NAALADL2: variants seen among roughly 807,000 people sequenced by gnomAD.
NAALADL2 encodes N-acetylated alpha-linked acidic dipeptidase like 2, also known as inactive N-acetylated-alpha-linked acidic dipeptidase-like protein 2.
A neutral mutation model predicts 87.2 loss-of-function variants in NAALADL2; 76 were observed. The ratio of observed to expected loss-of-function variants is 0.87; its 90% confidence interval spans 0.72 to 1.05. The LOEUF is 1.05. Among genes scored for constraint, NAALADL2 ranks in the 50% least tolerant of loss-of-function variants. The probability of loss-of-function intolerance (pLI) is 0.00; values close to 1 mark genes in which losing one functional copy is unlikely to be tolerated. For synonymous variants in NAALADL2, 354 were observed against 331.0 expected (o/e 1.07, Z -0.75); for missense variants, 1,089 against 945.8 (o/e 1.15, Z -1.99).
chr3:175,026,118 C>T (rs79738436), intron 1 of NAALADL2, among the ~76,000 whole-genome samples: 9,149 of 152,168 alleles, frequency 0.06, 344 homozygotes, highest in Middle Eastern at 0.12. Flanking sequence ...GCTGTTTAGC[C>T]ATCCTAACAA....
chr3:175,576,306 A>T, intron 10 of NAALADL2, 119 bp downstream of exon 10: 1 of 856,330 alleles, frequency 1.2e-6, no homozygotes, highest in African/African-American at 1.7e-5. Context: ...AAGCGGCTTC[A>T]TTTAGAGAGT....
chr3:174,968,105 A>G lies in NAALADL2; in HGVS notation c.43+108655A>G, dbSNP rs74413167. On this transcript the variant is annotated intron_variant, in intron 1 of 13. Transcript: ENST00000454872. The stretch of plus-strand genomic sequence containing the variant: ...CTGTTTAGAAATATTTAATTATTCA[A>G]TTTGGTGCACTATCTAATGATTTGT... 4.7e-3 allele frequency among the ~76,000 whole-genome samples: 723 copies of G among 152,240 alleles called. 9 individuals carry two copies. The highest frequency in any genetic ancestry group is 0.017 in the African/African-American group (687 of 41,542).
chr3:175,305,756 A>T (rs1389506071), intron 4 of NAALADL2, among the ~76,000 whole-genome samples: 1 of 152,142 alleles, frequency 6.6e-6, no homozygotes, highest in African/African-American at 2.4e-5. Context: ...TCCTGACCTC[A>T]GGTGATCCAC....
intron 1 of NAALADL2, among the ~76,000 whole-genome samples, chr3:174,866,050 C>G (rs958485573): frequency 6.6e-6 from 1 of 151,826 alleles, no homozygotes; most frequent in African/African-American, 2.4e-5. Flanking sequence ...TGCTTTCAAG[C>G]CTCCTAGCAG....
chr3:174,546,351 C>A (rs1246789283), intron 1 of NAALADL2, among the ~76,000 whole-genome samples: 2 of 152,134 alleles, frequency 1.3e-5, no homozygotes, highest in African/African-American at 4.8e-5. Flanking sequence ...AGGACATGTA[C>A]CTCTGCTCTT....
intron 3 of NAALADL2, among the ~76,000 whole-genome samples, chr3:174,839,626 A>G (rs934141217): frequency 5.3e-5 from 8 of 152,112 alleles, no homozygotes; most frequent in African/African-American, 1.2e-4. Context: ...AGAATCTATA[A>G]CTAACTCAAA....
At chr3:175,477,602 A>G (rs866391974) in intron 9 of NAALADL2, among the ~76,000 whole-genome samples, 6 of 151,986 alleles carry the variant, frequency 3.9e-5, no homozygotes, top group African/African-American at 1.4e-4. Flanking sequence ...TATCATTTTC[A>G]TATTTATGTG....
intron 1 of NAALADL2, among the ~76,000 whole-genome samples, chr3:175,059,133 T>A (rs1330719627): frequency 1.3e-5 from 2 of 151,054 alleles, no homozygotes; most frequent in Non-Finnish European, 2.9e-5. Context: ...TTTAAAGCTA[T>A]TTTACCTGTT....
At chr3:174,920,782 G>C (rs1735065943) in intron 1 of NAALADL2, among the ~76,000 whole-genome samples, 2 of 152,090 alleles carry the variant, frequency 1.3e-5, no homozygotes, top group African/African-American at 2.4e-5. Flanking sequence ...TTAATCATCT[G>C]TAGCTTTTGA....
At chr3:175,737,717 T>TTTTTTTTTG (rs1744687910) in intron 12 of NAALADL2, among the ~76,000 whole-genome samples, 2 of 123,326 alleles carry the variant, frequency 1.6e-5, no homozygotes, top group African/African-American at 3.2e-5. Flanking sequence ...TGATCCAGTT[T>TTTTTTTTTG]TTTTTTTTTT....
intron 10 of NAALADL2, among the ~76,000 whole-genome samples, chr3:175,609,834 A>C (rs1256145556): frequency 1.3e-5 from 2 of 152,064 alleles, no homozygotes; most frequent in Non-Finnish European, 2.9e-5. Context: ...AGTTTTGATG[A>C]GGAGTTTAGG....
intron 5 of NAALADL2, among the ~76,000 whole-genome samples, chr3:175,326,838 C>A (rs1290970319): frequency 1.3e-5 from 2 of 152,178 alleles, no homozygotes; most frequent in South Asian, 2.1e-4. Flanking sequence ...ATGATCCAAT[C>A]GCCTCTTAAA....
intron 5 of NAALADL2, among the ~76,000 whole-genome samples, chr3:175,418,713 A>G (rs1488451288): frequency 6.6e-6 from 1 of 152,100 alleles, no homozygotes; most frequent in African/African-American, 2.4e-5. Flanking sequence ...AATGACAATA[A>G]TGGTCAAAGG....
chr3:175,181,496 C>T (rs970360413), intron 2 of NAALADL2, among the ~76,000 whole-genome samples: 2 of 151,434 alleles, frequency 1.3e-5, no homozygotes, highest in African/African-American at 4.9e-5. Flanking sequence ...ATTCTGGTAA[C>T]CAACATTGTA....
chr3:175,623,793 G>A (rs1479646056), intron 10 of NAALADL2, among the ~76,000 whole-genome samples: 2 of 151,966 alleles, frequency 1.3e-5, no homozygotes, highest in Non-Finnish European at 2.9e-5. Context: ...AATATGGACA[G>A]CAAAACAAAA....
At chr3:175,025,403 A>G (rs1580086061) in intron 1 of NAALADL2, among the ~76,000 whole-genome samples, 1 of 152,054 alleles carries the variant, frequency 6.6e-6, no homozygotes, top group African/African-American at 2.4e-5. Flanking sequence ...TTTATCTACC[A>G]TTTTCTAACC....
chr3:175,571,237 A>G (rs116597417), intron 9 of NAALADL2, among the ~76,000 whole-genome samples: 1,772 of 152,262 alleles, frequency 0.012, 35 homozygotes, highest in African/African-American at 0.04. Flanking sequence ...GGACTGAGGT[A>G]GTGATTTCAT....
At chr3:175,514,310 G>T (rs1731557003) in intron 9 of NAALADL2, among the ~76,000 whole-genome samples, 1 of 152,136 alleles carries the variant, frequency 6.6e-6, no homozygotes, top group African/African-American at 2.4e-5. Flanking sequence ...TATCACTAAT[G>T]TTGGAAAATG....
intron 10 of NAALADL2, among the ~76,000 whole-genome samples, chr3:175,607,109 T>G (rs949301516): frequency 2.0e-5 from 3 of 152,206 alleles, no homozygotes; most frequent in Non-Finnish European, 4.4e-5. Flanking sequence ...TTTTTGAACC[T>G]GAAGAAAATT....
Sources: allele counts gnomAD v4.1 joint callset (sites outside exome capture counted in the v4.1 genomes callset), GRCh38; gene constraint gnomAD v4.1.1; transcripts MANE v1.5; gene names NCBI Gene and HGNC (gene_info 2026-07-23, HGNC 2026-07-21).